AASS: variants seen among roughly 807,000 people sequenced by gnomAD.
AASS encodes alpha-aminoadipic semialdehyde synthase, mitochondrial.
Under a neutral mutation model 105.4 loss-of-function variants are expected in AASS, and 86 were observed. The ratio of observed to expected loss-of-function variants is 0.82; its 90% CI spans 0.69 to 0.98. The LOEUF is 0.98. Ranked by LOEUF, AASS falls within the 50% of genes least tolerant of loss-of-function variation. AASS has a pLI of 0.00. For synonymous variants in AASS, 381 were observed against 394.8 expected (o/e 0.96, Z 0.41); for missense variants, 1,048 against 1,143.2 (o/e 0.92, Z 1.20).
chr7:122,079,643 G>GA lies in AASS; in HGVS notation c.2349dup (p.Leu784SerfsTer2), dbSNP rs1562900410. The stretch of plus-strand genomic sequence containing the variant: ...GTATTGTCTCCTCCTAGTTTCTTAA[G>GA]AACAGCTTCCTTCAACACATCATGC... On this transcript the variant is annotated frameshift_variant, in exon 21 of 24. Transcript: ENST00000417368. LOFTEE classifies it high-confidence loss of function. The GA allele has an allele frequency of 6.2e-7, 1 of 1,614,046 alleles. No homozygotes were observed. Among genetic ancestry groups the GA allele is most frequent in the East Asian group, 2.2e-5 (1 of 44,854 alleles).
At chr7:122,118,055 G>T (rs923338880) in intron 6 of AASS, among the ~76,000 whole-genome samples, 3 of 151,952 alleles carry the variant, frequency 2.0e-5, no homozygotes, top group African/African-American at 7.3e-5. Context: ...GTATGTATGT[G>T]TATAGATATA....
intron 4 of AASS, among the ~76,000 whole-genome samples, chr7:122,124,806 C>T (rs1795584705): frequency 6.6e-6 from 1 of 152,116 alleles, no homozygotes; most frequent in Non-Finnish European, 1.5e-5. Context: ...TCATAGTCAT[C>T]AGAGGTCTCT....
chr7:122,122,846 C>T (rs1795500948), intron 4 of AASS, among the ~76,000 whole-genome samples: 1 of 152,088 alleles, frequency 6.6e-6, no homozygotes, highest in Non-Finnish European at 1.5e-5. Flanking sequence ...GTTTATGTTT[C>T]CATTTAAAAC....
chr7:122,102,830 C>A (rs773819677), intron 11 of AASS, among the ~76,000 whole-genome samples: 1 of 151,500 alleles, frequency 6.6e-6, no homozygotes, highest in South Asian at 2.1e-4. Flanking sequence ...ATTTTGAATA[C>A]GCAATGTCTG....
intron 18 of AASS, among the ~76,000 whole-genome samples, chr7:122,087,237 G>A (rs746023695): frequency 3.9e-5 from 6 of 152,124 alleles, no homozygotes; most frequent in Non-Finnish European, 8.8e-5. Context: ...ATTAGTAGAT[G>A]GGTTCTGAAC....
At chr7:122,112,866 T>C (rs1795000199) in intron 11 of AASS, among the ~76,000 whole-genome samples, 1 of 152,190 alleles carries the variant, frequency 6.6e-6, no homozygotes, top group South Asian at 2.1e-4. Context: ...TGAACATTCT[T>C]AATAAAAGAC....
Position 122,078,799 on chromosome 7 carries a change from T to A in AASS, c.2485+63A>T, listed in dbSNP as rs558634023. ...TGGGGCCAACCCTCCAATACGATTATCTGCACTGACTCTATCTTATGATTC... is the reference window on the plus strand; with the variant it reads ...TGGGGCCAACCCTCCAATACGATTAACTGCACTGACTCTATCTTATGATTC... On this transcript the variant is annotated intron_variant, in intron 22 of 23. Transcript: ENST00000417368. The A allele has an allele frequency of 1.1e-4, 166 of 1,488,392 alleles. No individual in the cohort carries two copies. In the African/African-American group the frequency reaches 1.9e-3, roughly 17 times the overall value. The allele number at this position is 1,488,392 out of a possible 1,614,324, so 92.2% of individuals were successfully genotyped here. A position where few individuals can be genotyped will look rare whatever the true frequency, so the allele number is the denominator to read the frequency against.
intron 11 of AASS, among the ~76,000 whole-genome samples, chr7:122,104,262 G>A (rs1255821938): frequency 2.0e-5 from 3 of 151,230 alleles, no homozygotes; most frequent in Non-Finnish European, 2.9e-5. Context: ...TAAAGAAAAT[G>A]TGGTATATAT....
intron 2 of AASS, among the ~76,000 whole-genome samples, chr7:122,131,629 T>G (rs1795922092): frequency 6.6e-6 from 1 of 151,982 alleles, no homozygotes; most frequent in African/African-American, 2.4e-5. Flanking sequence ...TATATATATA[T>G]GTGTGGGCAA....
At chr7:122,142,108 C>T (rs1796428082) in intron 1 of AASS, among the ~76,000 whole-genome samples, 1 of 152,152 alleles carries the variant, frequency 6.6e-6, no homozygotes, top group Non-Finnish European at 1.5e-5. Flanking sequence ...ATACTGGTTT[C>T]TCTCCTGGGT....
intron 11 of AASS, among the ~76,000 whole-genome samples, chr7:122,104,358 G>C (rs753636712): frequency 2.6e-5 from 4 of 152,076 alleles, no homozygotes; most frequent in Non-Finnish European, 4.4e-5. Context: ...CACTTTGAGA[G>C]GCCAAGGTGA....
intron 1 of AASS, among the ~76,000 whole-genome samples, chr7:122,142,646 G>A (rs1796457632): frequency 6.6e-6 from 1 of 152,092 alleles, no homozygotes; most frequent in Admixed American, 6.5e-5. Context: ...ATAATGTTTT[G>A]GGGTTATTTT....
In AASS at chr7:122,086,532, T is replaced by A. The variant is rs144334406; in HGVS notation, c.2017-353A>T. Among the ~76,000 whole-genome samples the A allele has an allele frequency of 4.6e-3, 693 of 151,310 alleles. 7 individuals carry two copies. The highest frequency in any genetic ancestry group is 0.016 in the African/African-American group (657 of 41,496). On this transcript the variant is annotated intron_variant, in intron 18 of 23. Coordinates refer to ENST00000417368, the MANE Select transcript of AASS (RefSeq NM_005763.4). ...TAGAAAAAAAATTTAAAATAAACAT[T>A]TTAATTTTTAAAAAATTTATTTTCT...
intron 15 of AASS, among the ~76,000 whole-genome samples, chr7:122,095,459 C>T (rs182342037): frequency 6.6e-6 from 1 of 151,230 alleles, no homozygotes; most frequent in Admixed American, 6.6e-5. Context: ...TTTTTTAATG[C>T]CTATTTGGTA....
intron 4 of AASS, among the ~76,000 whole-genome samples, chr7:122,122,216 T>C (rs914427296): frequency 6.6e-6 from 1 of 152,194 alleles, no homozygotes; most frequent in Non-Finnish European, 1.5e-5. Flanking sequence ...ATAATTTTTA[T>C]CAAGATATGG....
At chr7:122,131,433 C>T (rs1314122897) in intron 2 of AASS, among the ~76,000 whole-genome samples, 1 of 151,220 alleles carries the variant, frequency 6.6e-6, no homozygotes, top group Non-Finnish European at 1.5e-5. Context: ...TTATACATAT[C>T]ATAGGATAAA....
intron 22 of AASS, 99 bp from the exon 23 acceptor site, chr7:122,078,113 CCTT>C (rs1219149480): frequency 1.8e-6 from 2 of 1,135,124 alleles, no homozygotes; most frequent in African/African-American, 3.1e-5. Context: ...AGTTTTCCCT[CCTT>C]TTATATATGA....
At chr7:122,096,825 A>G (rs887710078) in intron 15 of AASS, among the ~76,000 whole-genome samples, 3 of 152,038 alleles carry the variant, frequency 2.0e-5, no homozygotes, top group African/African-American at 7.2e-5. Flanking sequence ...GTCTTTGTCC[A>G]TTATCTTGTC....
At chr7:122,139,866 C>A (rs1006349688) in intron 1 of AASS, among the ~76,000 whole-genome samples, 3 of 151,710 alleles carry the variant, frequency 2.0e-5, no homozygotes, top group Admixed American at 6.6e-5. Context: ...GCATGAAAAT[C>A]ACTTGAGCCC....
Sources: allele counts gnomAD v4.1 joint callset (sites outside exome capture counted in the v4.1 genomes callset), GRCh38; gene constraint gnomAD v4.1.1; transcripts MANE v1.5; gene names NCBI Gene and HGNC (gene_info 2026-07-23, HGNC 2026-07-21).